Variants in SMAGP observed in about 807,000 individuals in gnomAD.
The protein encoded by SMAGP is small cell adhesion glycoprotein, also known as small cell transmembrane and glycosylated protein.
SMAGP carries 7 observed loss-of-function variants against 10.1 expected under a neutral mutation model. The observed-to-expected ratio is 0.70, with a 90% CI of 0.40 to 1.31. The LOEUF (loss-of-function observed/expected upper bound fraction) is 1.31. SMAGP is among the 50% of genes most tolerant of loss of function. The pLI, the probability that SMAGP is intolerant of heterozygous loss-of-function variation, is 0.01. For synonymous variants in SMAGP, 49 were observed against 47.2 expected (o/e 1.04, Z -0.16); for missense variants, 113 against 116.5 (o/e 0.97, Z 0.14).
At chr12:51,257,870 C>T (rs1391792650) in intron 2 of SMAGP, among the ~76,000 whole-genome samples, 1 of 152,020 alleles carries the variant, frequency 6.6e-6, no homozygotes, top group East Asian at 1.9e-4. Flanking sequence ...AAGATCTTAA[C>T]TGGGCCCAGT....
rs1174239397 is a variant in SMAGP, at chr12:51,261,769, A to G, written c.34+7476T>C. Among the ~76,000 whole-genome samples the G allele has an allele frequency of 2.6e-5, 4 of 152,148 alleles. No homozygotes were observed. The East Asian group carries it at 7.7e-4, about 29-fold the overall frequency. Reference sequence around the variant, plus strand: ...AATAAAAAATCCAGACATACTTAGAATGTCTATCTGGAGAGGAATGATGAA... The same window carrying G: ...AATAAAAAATCCAGACATACTTAGAGTGTCTATCTGGAGAGGAATGATGAA... On this transcript the variant is annotated intron_variant, in intron 2 of 3. Transcript: ENST00000603798.
At chr12:51,255,959 C>T (rs533414721) in intron 2 of SMAGP, among the ~76,000 whole-genome samples, 9 of 152,126 alleles carry the variant, frequency 5.9e-5, no homozygotes, top group African/African-American at 9.6e-5. Flanking sequence ...TTAGTAGAGA[C>T]GGGGTTTCAC....
intron 1 of SMAGP, chr12:51,269,530 G>A (rs1252846590): frequency 3.7e-6 from 2 of 533,972 alleles, no homozygotes; most frequent in East Asian, 3.2e-5. Context: ...GTTTGACGGG[G>A]TGTTACCTTC....
At chr12:51,247,940 C>A (rs1944794166) in intron 2 of SMAGP, among the ~76,000 whole-genome samples, 1 of 152,170 alleles carries the variant, frequency 6.6e-6, no homozygotes, top group Non-Finnish European at 1.5e-5. Context: ...GAAGCGACCC[C>A]CCAAGGGAGG....
chr12:51,250,988 C>T (rs1429582421), intron 2 of SMAGP, among the ~76,000 whole-genome samples: 1 of 152,208 alleles, frequency 6.6e-6, no homozygotes, highest in Non-Finnish European at 1.5e-5. Context: ...AATCCATCTT[C>T]CTACCATGGA....
intron 2 of SMAGP, among the ~76,000 whole-genome samples, chr12:51,268,881 C>T (rs541206191): frequency 4.6e-4 from 70 of 152,228 alleles, no homozygotes; most frequent in African/African-American, 1.7e-3. Context: ...CCACCACGCC[C>T]GGCCTCTTTC....
intron 1 of SMAGP, chr12:51,269,992 G>T (rs1260240687): frequency 2.0e-5 from 3 of 151,856 alleles, no homozygotes; most frequent in South Asian, 2.0e-4. Flanking sequence ...GACGCGACGG[G>T]CTGGGTTGGT....
At chr12:51,253,763 G>A (rs939760012) in intron 2 of SMAGP, among the ~76,000 whole-genome samples, 2 of 152,106 alleles carry the variant, frequency 1.3e-5, no homozygotes, top group Admixed American at 6.6e-5. Context: ...AAAATTAGCC[G>A]GACGTGGTGG....
intron 2 of SMAGP, among the ~76,000 whole-genome samples, chr12:51,257,631 T>TC (rs984920513): frequency 2.6e-5 from 4 of 151,906 alleles, no homozygotes; most frequent in African/African-American, 9.7e-5. Flanking sequence ...TGTAACCTCC[T>TC]CCTCCCAGGT....
intron 2 of SMAGP, among the ~76,000 whole-genome samples, chr12:51,265,764 G>A (rs1944967712): frequency 6.6e-6 from 1 of 152,120 alleles, no homozygotes; most frequent in Admixed American, 6.6e-5. Flanking sequence ...TCTGGAGATG[G>A]ATGGTGGTGA....
chr12:51,245,330 T>G lies in SMAGP; in HGVS notation c.*611A>C, dbSNP rs2137291311. On this transcript the variant is annotated 3_prime_UTR_variant, in exon 4 of 4. Coordinates refer to ENST00000603798, the MANE Select transcript of SMAGP (RefSeq NM_001031628.2). Reference sequence around the variant, plus strand: ...CAAAAATAAGTCAAAATGTAGTTACTTCTTGCACATGAGAATCTGATTTCT... The same window carrying G: ...CAAAAATAAGTCAAAATGTAGTTACGTCTTGCACATGAGAATCTGATTTCT... 2 of 152,796 alleles carry G rather than the reference T, an allele frequency of 1.3e-5. No homozygotes were observed. The highest frequency in any genetic ancestry group is 3.9e-4 in the East Asian group (2 of 5,194). 9.5% of individuals were successfully genotyped at this position (152,796 alleles called of 1,614,324 possible). A position where few individuals can be genotyped will look rare whatever the true frequency, so the allele number is the denominator to read the frequency against.
Position 51,245,068 on chromosome 12 carries a change from C to T in SMAGP, c.*873G>A, listed in dbSNP as rs1944748898. ...GGTCTCGATCTCCTAACCTTGTGATCCGCCTGCCTCGGCCTCCCAAAGTGC... is the reference window on the plus strand; with the variant it reads ...GGTCTCGATCTCCTAACCTTGTGATTCGCCTGCCTCGGCCTCCCAAAGTGC... On this transcript the variant is annotated 3_prime_UTR_variant, in exon 4 of 4. Transcript: ENST00000603798. 1 of 151,940 alleles carries T rather than the reference C, an allele frequency of 6.6e-6. No homozygotes were observed. Among genetic ancestry groups the T allele is most frequent in the Non-Finnish European group, 1.5e-5 (1 of 68,002 alleles). 9.4% of individuals were successfully genotyped at this position (151,940 alleles called of 1,614,324 possible). A position where few individuals can be genotyped will look rare whatever the true frequency, so the allele number is the denominator to read the frequency against.
chr12:51,257,551 C>CG (rs1412867601), intron 2 of SMAGP, among the ~76,000 whole-genome samples: 7 of 142,106 alleles, frequency 4.9e-5, no homozygotes, highest in African/African-American at 8.7e-5. Flanking sequence ...CCTTTGTATA[C>CG]ATTTTTTTTT....
At chr12:51,248,424 A>T (rs1271061846) in intron 2 of SMAGP, among the ~76,000 whole-genome samples, 11 of 112,362 alleles carry the variant, frequency 9.8e-5, no homozygotes, top group African/African-American at 3.8e-4. Flanking sequence ...ACACACACAC[A>T]CACACACACA....
chr12:51,248,430 ACACACTCTCTCTCTCTCTCT>A (rs1208760817), intron 2 of SMAGP, among the ~76,000 whole-genome samples: 4,095 of 91,246 alleles, frequency 0.045, 65 homozygotes, highest in Middle Eastern at 0.08. Flanking sequence ...ACACACACAC[ACACACTCTCTCTCTCTCTCT>A]CTCTCTCTCT....
At chr12:51,255,298 A>G (rs970098487) in intron 2 of SMAGP, among the ~76,000 whole-genome samples, 2 of 152,066 alleles carry the variant, frequency 1.3e-5, no homozygotes, top group East Asian at 1.9e-4. Flanking sequence ...TGGCCTCCCA[A>G]AGTGTTGGGA....
At chr12:51,247,131 G>A (rs1304692640) in intron 2 of SMAGP, among the ~76,000 whole-genome samples, 1 of 152,122 alleles carries the variant, frequency 6.6e-6, no homozygotes, top group East Asian at 1.9e-4. Flanking sequence ...GTGTGACCTT[G>A]GGAAAATTAC....
chr12:51,254,586 T>C (rs1416628121), intron 2 of SMAGP, among the ~76,000 whole-genome samples: 2 of 151,908 alleles, frequency 1.3e-5, no homozygotes, highest in African/African-American at 4.8e-5. Context: ...AAGTAAAAGA[T>C]ATGCTATATT....
chr12:51,252,197 G>A (rs575819226), intron 2 of SMAGP, among the ~76,000 whole-genome samples: 5 of 149,358 alleles, frequency 3.3e-5, no homozygotes, highest in Admixed American at 6.7e-5. Flanking sequence ...AGGTTCTAGC[G>A]ATTCTCCTGC....
Sources: gnomAD v4.1 joint callset for allele counts (sites outside exome capture counted in the v4.1 genomes callset) on GRCh38, gnomAD v4.1.1 for gene constraint, MANE v1.5 for transcripts, NCBI Gene and HGNC (gene_info 2026-07-23, HGNC 2026-07-21) for gene names.